Variants in ADAMTS1 observed in about 807,000 individuals in gnomAD.
ADAMTS1 encodes ADAM metallopeptidase with thrombospondin type 1 motif 1, also known as A disintegrin and metalloproteinase with thrombospondin motifs 1.
ADAMTS1 carries 19 observed loss-of-function variants against 87.9 expected under a neutral mutation model. That is an observed-to-expected ratio of 0.22 (90% CI 0.15 to 0.32). The LOEUF (loss-of-function observed/expected upper bound fraction) is 0.32. Ranked by LOEUF, ADAMTS1 falls within the 10% of genes least tolerant of loss-of-function variation. The pLI, the probability that ADAMTS1 is intolerant of heterozygous loss-of-function variation, is 1.00. For missense variants in ADAMTS1, 1,240 were observed against 1,259.1 expected, an observed-to-expected ratio of 0.98 and a Z score of 0.23; for synonymous variants, 542 against 501.8, an observed-to-expected ratio of 1.08 and a Z score of -1.07.
Position 26,838,723 on chromosome 21 carries a change from C to T in ADAMTS1, c.2029-109G>A, listed in dbSNP as rs767842431. 1.3e-4 allele frequency: 141 copies of T among 1,092,448 alleles called. 1 individual carries two copies. Among genetic ancestry groups the T allele is most frequent in the Non-Finnish European group, 1.8e-4 (138 of 767,302 alleles). 67.7% of individuals were successfully genotyped at this position (1,092,448 alleles called of 1,614,324 possible). A position where few individuals can be genotyped will look rare whatever the true frequency, so the allele number is the denominator to read the frequency against. Reference sequence around the variant, plus strand: ...CTTTCCTGACCATGCTAATTAAACACAGTACCCTCTACACATTATGCATTT... The same window carrying T: ...CTTTCCTGACCATGCTAATTAAACATAGTACCCTCTACACATTATGCATTT... On this transcript the variant is annotated intron_variant, in intron 7 of 8. Coordinates refer to ENST00000284984, the MANE Select transcript of ADAMTS1 (RefSeq NM_006988.5).
chr21:26,838,567 C>A lies in ADAMTS1; in HGVS notation c.2076G>T (p.Val692=). The change falls in exon 8 of 9, where the codon GTG becomes GTT. Residue 692 remains valine (V), a synonymous_variant. Transcript: ENST00000284984. Reference sequence around the variant, plus strand: ...AACCAGCTTTTACACACTGTCCTTGCACACAGACAGAGGTGGAATCTGGGC... The same window carrying A: ...AACCAGCTTTTACACACTGTCCTTGAACACAGACAGAGGTGGAATCTGGGC... ...PCSPDSTSVC[V]QGQCVKAGCD... is the part of the protein sequence containing the mutation. 1 of 1,614,170 alleles carries A rather than the reference C, an allele frequency of 6.2e-7. No homozygotes were observed. The highest frequency in any genetic ancestry group is 8.5e-7 in the Non-Finnish European group (1 of 1,180,026).
intron 4 of ADAMTS1, among the ~76,000 whole-genome samples, 172 bp downstream of exon 4, chr21:26,840,821 AACCGG>A (rs1985478321): frequency 6.6e-6 from 1 of 152,216 alleles, no homozygotes. Context: ...GGAGCTACTC[AACCGG>A]AAGCACTATT....
At chr21:26,841,808 C>G (rs371261051) in intron 3 of ADAMTS1, 50 bp downstream of exon 3, 9 of 1,574,112 alleles carry the variant, frequency 5.7e-6, no homozygotes, top group Non-Finnish European at 7.8e-6. Flanking sequence ...ATTGTTTTAC[C>G]AGTTTACATT....
At chr21:26,841,341 T>A (rs1985489984) in intron 3 of ADAMTS1, 176 bp from the exon 4 acceptor site, 1 of 601,466 alleles carries the variant, frequency 1.7e-6, no homozygotes, top group African/African-American at 1.9e-5. Flanking sequence ...TAGCCGGGTG[T>A]GGTGGCATGC....
At chr21:26,842,080 T>G (rs1209148500) in intron 2 of ADAMTS1, 90 bp from the exon 3 acceptor site, 5 of 1,408,386 alleles carry the variant, frequency 3.6e-6, no homozygotes, top group Non-Finnish European at 4.8e-6. Flanking sequence ...TCACATATGC[T>G]TTGGAGCATC....
In ADAMTS1 at chr21:26,844,643, G is replaced by C. The variant is rs374034251; in HGVS notation, c.312C>G (p.Asn104Lys). The C allele has an allele frequency of 1.4e-5, 22 of 1,604,014 alleles. No homozygotes were observed. The African/African-American group carries it at 2.7e-4, about 19-fold the overall frequency. ...SFLAPGFTLQ[N>K]VGRKSGSETP... The stretch of plus-strand genomic sequence containing the variant: ...TCTCGGACCCGGATTTGCGCCCCAC[G>C]TTCTGGAGCGTGAAGCCGGGCGCCA... The change falls in exon 1 of 9, where the codon AAC becomes AAG. Residue 104 changes from asparagine to lysine, a missense_variant. Transcript: ENST00000284984.
intron 2 of ADAMTS1, 66 bp from the exon 3 acceptor site, chr21:26,842,056 G>T: frequency 6.5e-7 from 1 of 1,548,452 alleles, no homozygotes; most frequent in South Asian, 1.2e-5. Flanking sequence ...TAACTTTTTT[G>T]GCAGGGTGTG....
Position 26,837,627 on chromosome 21 carries a change from C to G in ADAMTS1, c.2856G>C (p.Lys952Asn), listed in dbSNP as rs79637623. ...VLSHESCDPLKKPKHFIDFCT... is the reference protein window; with the variant it reads ...VLSHESCDPLNKPKHFIDFCT... ...AAAAGTCTATGAAATGTTTAGGTTT[C>G]TTTAAAGGATCACAGCTCTCATGAG... The change falls in exon 9 of 9, where the codon AAG (lysine) becomes AAC (asparagine). Residue 952 changes from lysine (K) to asparagine (N), a missense_variant. Transcript: ENST00000284984. 1 of 1,614,198 alleles carries G rather than the reference C, an allele frequency of 6.2e-7. No homozygotes were observed. Among genetic ancestry groups the G allele is most frequent in the Non-Finnish European group, 8.5e-7 (1 of 1,180,034 alleles).
intron 7 of ADAMTS1, chr21:26,839,332 A>T (rs745715590): frequency 8.8e-6 from 3 of 339,746 alleles, no homozygotes; most frequent in African/African-American, 6.3e-5. Context: ...CTGTCCAAAA[A>T]GCTTTTCTTT....
At position 26,844,312 on chromosome 21, in the gene ADAMTS1, C is replaced by T. The variant is rs1985561264; in HGVS notation, c.643G>A (p.Asp215Asn). Reference sequence around the variant, plus strand: ...TCGCCCTCAGTCCCTTCGTCCTCGTCTTCGGTCTCCGCTTTCCCAGTCGGC... The same window carrying T: ...TCGCCCTCAGTCCCTTCGTCCTCGTTTTCGGTCTCCGCTTTCCCAGTCGGC... ...PRPTGKAETEDEDEGTEGEDE... is the reference protein window; with the variant it reads ...PRPTGKAETENEDEGTEGEDE... Residue 215 changes from aspartate to asparagine, a missense_variant, in exon 1 of 9, where the codon GAC (aspartate) becomes AAC (asparagine). Around this residue, in one of 3 missense-constraint regions of ADAMTS1, gnomAD observed 521 missense variants for 449.7 expected, o/e 1.16. Transcript: ENST00000284984. 6.2e-7 allele frequency: 1 copy of T among 1,609,386 alleles called. No homozygotes were observed. The highest frequency in any genetic ancestry group is 8.5e-7 in the Non-Finnish European group (1 of 1,178,878).
chr21:26,836,594 G>C lies in ADAMTS1; in HGVS notation c.*985C>G, dbSNP rs910166438. On this transcript the variant is annotated 3_prime_UTR_variant, in exon 9 of 9. Transcript: ENST00000284984. ...GATACGACTGTTGGACCAGCTGCTG[G>C]AGATGGACCTGCTACCCCTCAGCAG... The C allele has an allele frequency of 6.5e-4, 99 of 152,678 alleles. No individual in the cohort carries two copies. Among genetic ancestry groups the C allele is most frequent in the African/African-American group, 2.3e-3 (96 of 41,548 alleles). 9.5% of individuals were successfully genotyped at this position (152,678 alleles called of 1,614,324 possible).
chr21:26,840,980 G>A lies in ADAMTS1; in HGVS notation c.1378+18C>T, dbSNP rs1207913960. On this transcript the variant is annotated intron_variant, in intron 4 of 8. Transcript: ENST00000284984. ...AAAGGTTGGATGCCATCTAGAGAGA[G>A]TAGCTGGAATATCTCACCATGACCA... 1.2e-6 allele frequency: 2 copies of A among 1,608,244 alleles called. No homozygotes were observed. Among genetic ancestry groups the A allele is most frequent in the Non-Finnish European group, 1.7e-6 (2 of 1,175,176 alleles).
At position 26,836,076 on chromosome 21, in the gene ADAMTS1, TTTC is replaced by T. The variant is rs1452091914; in HGVS notation, c.*1500_*1502del. On this transcript the variant is annotated 3_prime_UTR_variant, in exon 9 of 9. Coordinates refer to ENST00000284984, the MANE Select transcript of ADAMTS1 (RefSeq NM_006988.5). ...AGTAACAAATGACATCATAAATTTC[TTTC>T]TTTTTAGCAATCATGTATACCAAGG... 1 of 152,060 alleles carries T rather than the reference TTTC, an allele frequency of 6.6e-6. No homozygotes were observed. Among genetic ancestry groups the T allele is most frequent in the Non-Finnish European group, 1.5e-5 (1 of 67,958 alleles). 9.4% of individuals were successfully genotyped at this position (152,060 alleles called of 1,614,324 possible).
chr21:26,843,624 C>T (rs779282862), intron 1 of ADAMTS1: 11 of 462,046 alleles, frequency 2.4e-5, no homozygotes, highest in Admixed American at 7.1e-5. Context: ...GGAAAGACCT[C>T]CCAAGCAGGT....
chr21:26,840,505 C>A lies in ADAMTS1; in HGVS notation c.1436G>T (p.Gly479Val), dbSNP rs777411299. 4.3e-6 allele frequency: 7 copies of A among 1,614,224 alleles called. No individual in the cohort carries two copies. The highest frequency in any genetic ancestry group is 5.9e-6 in the Non-Finnish European group (7 of 1,180,050). The part of the protein sequence containing the change: ...NPIQLPGDLP[G>V]TSYDANRQCQ... The stretch of plus-strand genomic sequence containing the variant: ...CTGCCGGTTGGCATCGTACGAGGTG[C>A]CAGGGAGATCGCCTGGGAGCTGTAT... The change falls in exon 5 of 9, where the codon GGC (glycine) becomes GTC (valine). Residue 479 changes from glycine to valine, a missense_variant. By Grantham distance (109) the Gly-to-Val change is moderately radical. Coordinates refer to ENST00000284984, the MANE Select transcript of ADAMTS1 (RefSeq NM_006988.5).
At position 26,839,871 on chromosome 21, in the gene ADAMTS1, T is replaced by A; in HGVS notation, c.1852+4A>T. On this transcript the variant is annotated splice_donor_region_variant and intron_variant, in intron 6 of 8. Coordinates refer to ENST00000284984, the MANE Select transcript of ADAMTS1 (RefSeq NM_006988.5). ...TCTTAAAACCAGAGTCCGTTGCTCCTCACCATTATTGTCTGGACAGTCCTC... is the reference window on the plus strand; with the variant it reads ...TCTTAAAACCAGAGTCCGTTGCTCCACACCATTATTGTCTGGACAGTCCTC... The A allele has an allele frequency of 6.2e-7, 1 of 1,612,682 alleles. No homozygotes were observed. The highest frequency in any genetic ancestry group is 8.5e-7 in the Non-Finnish European group (1 of 1,179,354).
chr21:26,840,165 AT>A, intron 5 of ADAMTS1, 104 bp from the exon 6 acceptor site: 10 of 1,548,570 alleles, frequency 6.5e-6, no homozygotes, highest in Non-Finnish European at 7.0e-6. Flanking sequence ...AAAATAAGCT[AT>A]CTCGCATTCC....
At position 26,842,594 on chromosome 21, in the gene ADAMTS1, G is replaced by A. The variant is rs1359375742; in HGVS notation, c.822C>T (p.His274=). The A allele has an allele frequency of 2.5e-6, 4 of 1,614,060 alleles. No homozygotes were observed. The highest frequency in any genetic ancestry group is 1.1e-5 in the South Asian group (1 of 91,062). The change falls in exon 2 of 9, where the codon CAC becomes CAT. Residue 274 remains histidine, a synonymous_variant. Transcript: ENST00000284984. ...LVADQSMAEF[H]GSGLKHYLLT... ...GAAGGTAATGCTTTAGACCACTGCCGTGGAATTCTGCCATCGACTGGTCTG... is the reference window on the plus strand; with the variant it reads ...GAAGGTAATGCTTTAGACCACTGCCATGGAATTCTGCCATCGACTGGTCTG...
rs759588635 is a variant in ADAMTS1, at chr21:26,844,662, G to A, written c.293C>T (p.Pro98Leu). The change falls in exon 1 of 9, where the codon CCC (proline) becomes CTC (leucine). Residue 98 changes from proline (P) to leucine (L), a missense_variant. By Grantham distance (98) the Pro-to-Leu change is moderately conservative. This residue lies in a region of ADAMTS1 where 521 missense variants were observed against 449.7 expected (regional missense o/e 1.16). Transcript: ENST00000284984. ...ELRPDSSFLA[P>L]GFTLQNVGRK... ...CCCCACGTTCTGGAGCGTGAAGCCG[G>A]GCGCCAAAAAGCTGCTGTCGGGCCG... 6.2e-6 allele frequency: 10 copies of A among 1,600,268 alleles called. No individual in the cohort carries two copies. The highest frequency in any genetic ancestry group is 1.3e-5 in the African/African-American group (1 of 74,800).
Sources: allele counts gnomAD v4.1 joint callset (sites outside exome capture counted in the v4.1 genomes callset), GRCh38; gene constraint gnomAD v4.1.1; regional missense constraint gnomAD v4.1.1; transcripts MANE v1.5; gene names NCBI Gene and HGNC (gene_info 2026-07-23, HGNC 2026-07-21).